The following PLAGL1 variants were observed in gnomAD, a reference collection of about 807,000 sequenced individuals.
PLAGL1 encodes the protein PLAG1 like zinc finger 1, also known as zinc finger protein PLAGL1.
Under a neutral mutation model 4.6 loss-of-function variants are expected in PLAGL1, and 1 was observed. That is an observed-to-expected ratio of 0.22 (90% CI 0.08 to 1.03). The LOEUF (loss-of-function observed/expected upper bound fraction) is 1.03, where lower values mean the gene tolerates loss of function less well. Ranked by LOEUF, PLAGL1 falls within the 50% of genes least tolerant of loss-of-function variation. The pLI is 0.58. For missense variants in PLAGL1, 464 were observed against 570.4 expected (o/e 0.81, Z 1.90); for synonymous variants, 240 against 237.8 (o/e 1.01, Z -0.08).
At chr6:143,946,642 C>A (rs1180433816) in intron 7 of PLAGL1, among the ~76,000 whole-genome samples, 1 of 152,190 alleles carries the variant, frequency 6.6e-6, no homozygotes, top group Non-Finnish European at 1.5e-5. Flanking sequence ...TCCATCTTTT[C>A]AATTCTTTCA....
rs190157690 is a variant in PLAGL1, at chr6:144,001,966, T to G, written c.-584+6124A>C. Among the ~76,000 whole-genome samples the G allele has an allele frequency of 2.0e-5, 3 of 151,966 alleles. No homozygotes were observed. In the South Asian group the frequency reaches 6.2e-4, roughly 32 times the overall value. ...AGGGAGGCATGAAAACTAAACACCA[T>G]GTGGTATATGGGGTGGATCCTGAAA... On this transcript the variant is annotated intron_variant, in intron 1 of 7. Coordinates refer to ENST00000674357, the MANE Select transcript of PLAGL1 (RefSeq NM_001317162.2).
chr6:144,047,277 A>G (rs775824233), intron 1 of PLAGL1, among the ~76,000 whole-genome samples: 1 of 152,198 alleles, frequency 6.6e-6, no homozygotes. Flanking sequence ...TGTCTTCTGC[A>G]TCGATCACAC....
chr6:144,031,366 T>A (rs1353126535), intron 1 of PLAGL1, among the ~76,000 whole-genome samples: 1 of 152,230 alleles, frequency 6.6e-6, no homozygotes, highest in East Asian at 1.9e-4. Context: ...AAGTCCCATC[T>A]ATTTATATTT....
In PLAGL1 at chr6:143,964,450, C is replaced by T. The variant is rs752830030; in HGVS notation, c.-399+337G>A. Among the ~76,000 whole-genome samples the T allele has an allele frequency of 1.9e-4, 29 of 152,216 alleles. 2 individuals carry two copies. Among genetic ancestry groups the T allele is most frequent in the Non-Finnish European group, 5.9e-5 (4 of 68,006 alleles). ...GGTTGGCAGAATGGGGACTGGAGTCCGTTTTCATTATGGGGAATGAAAACA... is the reference window on the plus strand; with the variant it reads ...GGTTGGCAGAATGGGGACTGGAGTCTGTTTTCATTATGGGGAATGAAAACA... On this transcript the variant is annotated intron_variant, in intron 5 of 7. Transcript: ENST00000674357. This position sits in a 1 kb window ranked among gnomAD's most constrained non-coding sequence, Gnocchi z 4.3.
Position 143,965,714 on chromosome 6 carries a change from A to T in PLAGL1, c.-431+444T>A, listed in dbSNP as rs1433985819. 1 of 152,296 alleles carries T rather than the reference A, an allele frequency of 6.6e-6. No homozygotes were observed. The highest frequency in any genetic ancestry group is 1.9e-4 in the East Asian group (1 of 5,192). 9.4% of individuals were successfully genotyped at this position (152,296 alleles called of 1,614,324 possible). ...CAAGTAAGCAGAGGTTGCTTGCTTT[A>T]CCGAAAGTGGGGCTGCTCTGGTCTC... On this transcript the variant is annotated intron_variant, in intron 4 of 7. Transcript: ENST00000674357. This position sits in a 1 kb window ranked among gnomAD's most constrained non-coding sequence, Gnocchi z 7.5.
At chr6:144,045,000 C>CTTTTTTTTTTTTTTTTT (rs138373370) in intron 1 of PLAGL1, among the ~76,000 whole-genome samples, 3 of 47,338 alleles carry the variant, frequency 6.3e-5, no homozygotes, top group Non-Finnish European at 1.2e-4. Context: ...GCAACCCCTG[C>CTTTTTTTTTTTTTTTTT]TTTTTTTTTT....
In PLAGL1 at chr6:144,035,860, C is replaced by T. The variant is rs137921051; in HGVS notation, c.-151+28608G>A. ...ATGAGAAAAATGACAATGTCAAGAA[C>T]ATTTCTGGCACTACTAGAGGCCCTC... On this transcript the variant is annotated intron_variant, in intron 1 of 3. Transcript: ENST00000437412. 9.9e-4 allele frequency among the ~76,000 whole-genome samples: 151 copies of T among 152,206 alleles called. 1 individual carries two copies. Among genetic ancestry groups the T allele is most frequent in the African/African-American group, 3.4e-3 (143 of 41,520 alleles).
upstream of PLAGL1, among the ~76,000 whole-genome samples, chr6:144,013,241 G>T (rs1309225475): frequency 6.6e-6 from 1 of 152,156 alleles, no homozygotes; most frequent in Non-Finnish European, 1.5e-5. The surrounding 1 kb of genome is among the most constrained non-coding windows in gnomAD (Gnocchi z 4.4). Flanking sequence ...GATACAATGT[G>T]TCAGGACCCA....
intron 2 of PLAGL1, among the ~76,000 whole-genome samples, chr6:143,974,644 G>A (rs574624261): frequency 1.3e-5 from 2 of 152,254 alleles, no homozygotes; most frequent in South Asian, 4.1e-4. Context: ...GCATTGACTT[G>A]CTTTGGGCCT....
At position 143,983,810 on chromosome 6, in the gene PLAGL1, T is replaced by C. The variant is rs1287208050; in HGVS notation, c.-544+1325A>G. Among the ~76,000 whole-genome samples, 1 of 152,044 alleles carries C rather than the reference T, an allele frequency of 6.6e-6. No individual in the cohort carries two copies. Among genetic ancestry groups the C allele is most frequent in the African/African-American group, 2.4e-5 (1 of 41,410 alleles). Reference sequence around the variant, plus strand: ...CAGATGGAGAATGGGGTGCTGGGACTCAAGATCATGGAGTGAGAGCAGTTC... The same window carrying C: ...CAGATGGAGAATGGGGTGCTGGGACCCAAGATCATGGAGTGAGAGCAGTTC... On this transcript the variant is annotated intron_variant, in intron 2 of 7. Coordinates refer to ENST00000674357, the MANE Select transcript of PLAGL1 (RefSeq NM_001317162.2). This position sits in a 1 kb window ranked among gnomAD's most constrained non-coding sequence, Gnocchi z 6.6.
intron 1 of PLAGL1, among the ~76,000 whole-genome samples, chr6:143,988,417 A>G (rs1349767960): frequency 6.6e-6 from 1 of 152,208 alleles, no homozygotes; most frequent in Non-Finnish European, 1.5e-5. Context: ...CAGCAGAGTT[A>G]ATGGTAGGTT....
intron 1 of PLAGL1, among the ~76,000 whole-genome samples, chr6:143,998,572 A>G (rs987566439): frequency 3.9e-5 from 6 of 152,374 alleles, no homozygotes; most frequent in Admixed American, 1.3e-4. Flanking sequence ...CTTTGTATGC[A>G]AAGTATCATG....
chr6:143,944,075 G>A (rs997494644), intron 7 of PLAGL1, among the ~76,000 whole-genome samples: 3 of 152,142 alleles, frequency 2.0e-5, no homozygotes, highest in African/African-American at 7.2e-5. Context: ...CTCCTTTAGG[G>A]GTTTTGTCAC....
At position 144,064,379 on chromosome 6, in the gene PLAGL1, G is replaced by T. The variant is rs995736225; in HGVS notation, c.-151+89C>A. On this transcript the variant is annotated intron_variant, in intron 1 of 3. Coordinates refer to the PLAGL1 transcript ENST00000437412. This position sits in a 1 kb window ranked among gnomAD's most constrained non-coding sequence, Gnocchi z 6.8. ...ACGGGTTGGAGCCCCCGCCCCACGC[G>T]CCCACCTTAACGCCGCGCCCCCGGC... The T allele has an allele frequency of 2.6e-5, 4 of 151,860 alleles. No individual in the cohort carries two copies. The highest frequency in any genetic ancestry group is 4.4e-5 in the Non-Finnish European group (3 of 67,944). 9.4% of individuals were successfully genotyped at this position (151,860 alleles called of 1,614,324 possible).
chr6:143,990,212 C>T lies in PLAGL1; in HGVS notation c.-583-5038G>A, dbSNP rs1790151821. Among the ~76,000 whole-genome samples the T allele has an allele frequency of 6.6e-6, 1 of 152,046 alleles. No individual in the cohort carries two copies. The highest frequency in any genetic ancestry group is 1.5e-5 in the Non-Finnish European group (1 of 68,016). On this transcript the variant is annotated intron_variant, in intron 1 of 7. Transcript: ENST00000674357. This position sits in a 1 kb window ranked among gnomAD's most constrained non-coding sequence, Gnocchi z 5.4. ...CTCAGCTCACTGCAACCTCCGCCTACCGGGTTCAAGCGATTATCTTGCTTC... is the reference window on the plus strand; with the variant it reads ...CTCAGCTCACTGCAACCTCCGCCTATCGGGTTCAAGCGATTATCTTGCTTC...
Position 143,970,559 on chromosome 6 carries a change from C to T in PLAGL1, c.-543-1581G>A, listed in dbSNP as rs548460043. On this transcript the variant is annotated intron_variant, in intron 2 of 7. Transcript: ENST00000674357. The surrounding 1 kb of genome is among the most constrained non-coding windows in gnomAD (Gnocchi z 5.8). ...GGTAAGGAGGATGTCTTGTTTTCAA[C>T]GGCTAGATAAACGTTTATTAGGGCT... Among the ~76,000 whole-genome samples the T allele has an allele frequency of 2.0e-4, 30 of 151,978 alleles. No individual in the cohort carries two copies. The highest frequency in any genetic ancestry group is 3.2e-4 in the Non-Finnish European group (22 of 68,012).
chr6:143,953,580 G>T lies in PLAGL1; in HGVS notation c.-324-5120C>A, dbSNP rs1157105367. Among the ~76,000 whole-genome samples, 1 of 152,196 alleles carries T rather than the reference G, an allele frequency of 6.6e-6. No homozygotes were observed. The highest frequency in any genetic ancestry group is 1.5e-5 in the Non-Finnish European group (1 of 68,024). ...ACAAATAGTGTAATATTTGGTTAAAGATGGCCAACTGAATAAAAGCATGTA... is the reference window on the plus strand; with the variant it reads ...ACAAATAGTGTAATATTTGGTTAAATATGGCCAACTGAATAAAAGCATGTA... On this transcript the variant is annotated intron_variant, in intron 6 of 7. Coordinates refer to ENST00000674357, the MANE Select transcript of PLAGL1 (RefSeq NM_001317162.2). This position sits in a 1 kb window ranked among gnomAD's most constrained non-coding sequence, Gnocchi z 5.3.
chr6:144,060,592 T>C (rs185541248), intron 1 of PLAGL1, among the ~76,000 whole-genome samples: 20 of 152,322 alleles, frequency 1.3e-4, no homozygotes, highest in Admixed American at 3.3e-4. Flanking sequence ...TCTATGGAGA[T>C]TAAATCTGCC....
chr6:144,028,035 A>C (rs1192688478), intron 1 of PLAGL1, among the ~76,000 whole-genome samples: 1 of 152,252 alleles, frequency 6.6e-6, no homozygotes, highest in African/African-American at 2.4e-5. Flanking sequence ...CAGCACCTCA[A>C]ACAATTTAAA....
Sources: allele counts gnomAD v4.1 joint callset (sites outside exome capture counted in the v4.1 genomes callset), GRCh38; gene constraint gnomAD v4.1.1; non-coding constraint Gnocchi (gnomAD v3.1); transcripts MANE v1.5; gene names NCBI Gene and HGNC (gene_info 2026-07-23, HGNC 2026-07-21).